NRAP: variants seen among roughly 807,000 people sequenced by gnomAD.
The protein encoded by NRAP is nebulin-related-anchoring protein.
In NRAP, 189 loss-of-function variants were observed where a neutral mutation model predicts 225.9. That is an observed-to-expected ratio of 0.84 (90% confidence interval 0.74 to 0.94). The LOEUF (loss-of-function observed/expected upper bound fraction) is 0.94. NRAP is among the 40% of genes least tolerant of loss of function. The pLI is 0.00. For synonymous variants in NRAP, 769 were observed against 790.7 expected, an observed-to-expected ratio of 0.97 and a Z score of 0.46; for missense variants, 2,176 against 2,168.7, an observed-to-expected ratio of 1.00 and a Z score of -0.07.
At chr10:113,633,978 G>C (rs1453309230) in intron 15 of NRAP, 134 bp downstream of exon 15, 2 of 672,664 alleles carry the variant, frequency 3.0e-6, no homozygotes, top group Non-Finnish European at 5.3e-6. Context: ...AAAGAAGTGG[G>C]GGTCATTTTC....
intron 11 of NRAP, among the ~76,000 whole-genome samples, chr10:113,645,023 G>A (rs1253503694): frequency 2.0e-5 from 3 of 152,134 alleles, no homozygotes; most frequent in East Asian, 3.9e-4. Flanking sequence ...CAATAAAAAC[G>A]TCTTAAACGG....
chr10:113,635,337 C>T (rs1848809115), intron 14 of NRAP, among the ~76,000 whole-genome samples: 2 of 152,066 alleles, frequency 1.3e-5, no homozygotes, highest in Admixed American at 6.5e-5. Context: ...TGAGTGAAAG[C>T]CCCAGAAACC....
chr10:113,651,769 C>T, intron 7 of NRAP, 34 bp downstream of exon 7: 1 of 1,281,306 alleles, frequency 7.8e-7, no homozygotes, highest in Non-Finnish European at 1.1e-6. Flanking sequence ...CCCAAATGCC[C>T]ATCAGTGATG....
chr10:113,622,529 T>A (rs941127705), intron 23 of NRAP, among the ~76,000 whole-genome samples: 2 of 151,990 alleles, frequency 1.3e-5, no homozygotes, highest in African/African-American at 4.8e-5. Context: ...TGGGGGAGTA[T>A]GAGGGGCAAA....
rs888800428 is a variant in NRAP at position 113,617,570 on chromosome 10, G to C, written c.2875-17C>G. On this transcript the variant is annotated splice_polypyrimidine_tract_variant and intron_variant, in intron 25 of 41. Coordinates refer to ENST00000359988, the MANE Select transcript of NRAP (RefSeq NM_198060.4). ...GTACTTCTTCTGTTGAGCAGAAAAA[G>C]ATCAAAGCTGTGAATTTTGTGCTGC... 2 of 1,479,980 alleles carry C rather than the reference G, an allele frequency of 1.4e-6. No homozygotes were observed. The highest frequency in any genetic ancestry group is 1.7e-5 in the Admixed American group (1 of 59,848). 91.7% of individuals were successfully genotyped at this position (1,479,980 alleles called of 1,614,324 possible). A position where few individuals can be genotyped will look rare whatever the true frequency, so the allele number is the denominator to read the frequency against.
chr10:113,611,211 G>A (rs770231288), intron 30 of NRAP, among the ~76,000 whole-genome samples: 1 of 152,092 alleles, frequency 6.6e-6, no homozygotes, highest in South Asian at 2.1e-4. Context: ...ACGGGCCCCC[G>A]AGATGAGCGT....
intron 6 of NRAP, 36 bp downstream of exon 6, chr10:113,652,898 AG>A: frequency 7.1e-7 from 1 of 1,415,616 alleles, no homozygotes; most frequent in Admixed American, 1.8e-5. Context: ...GACAAAAATT[AG>A]CATAATCAAT....
intron 11 of NRAP, among the ~76,000 whole-genome samples, chr10:113,644,404 G>C (rs975232892): frequency 2.0e-5 from 3 of 152,198 alleles, no homozygotes; most frequent in African/African-American, 7.2e-5. Flanking sequence ...AAATATTTTA[G>C]GTTTGGCAGG....
Position 113,595,655 on chromosome 10 carries a change from G to C in NRAP, c.4504C>G (p.Arg1502Gly). 6.2e-7 allele frequency: 1 copy of C among 1,613,608 alleles called. No homozygotes were observed. The highest frequency in any genetic ancestry group is 8.5e-7 in the Non-Finnish European group (1 of 1,179,504). The change falls in exon 38 of 42, where the codon CGA (arginine) becomes GGA (glycine). Residue 1502 changes from arginine (R) to glycine (G), a missense_variant. Coordinates refer to ENST00000359988, the MANE Select transcript of NRAP (RefSeq NM_198060.4). ...TLIPDHPDFT[R>G]ARLNALHLSD... ...AGATGCAGCGCATTGAGGCGAGCTCGGGTGAAATCGGGATGGTCGGGGATC... is the reference window on the plus strand; with the variant it reads ...AGATGCAGCGCATTGAGGCGAGCTCCGGTGAAATCGGGATGGTCGGGGATC...
chr10:113,598,026 C>G lies in NRAP; in HGVS notation c.4275G>C (p.Leu1425=). The G allele has an allele frequency of 1.9e-6, 3 of 1,613,832 alleles. No homozygotes were observed. Among genetic ancestry groups the G allele is most frequent in the African/African-American group, 1.3e-5 (1 of 74,926 alleles). Residue 1425 remains leucine, a synonymous_variant, in exon 36 of 42, where the codon CTG becomes CTC. Transcript: ENST00000359988. Reference sequence around the variant, plus strand: ...TCTCCATCTGTGGGGATCTCAGCGCCAGCCATCCTATGCCCTTCATGCCGA... The same window carrying G: ...TCTCCATCTGTGGGGATCTCAGCGCGAGCCATCCTATGCCCTTCATGCCGA... ...DLIGMKGIGW[L]ALRSPQMESA... is the part of the protein sequence containing the mutation.
At chr10:113,610,653 T>A in intron 30 of NRAP, 90 bp from the exon 31 acceptor site, 1 of 734,438 alleles carries the variant, frequency 1.4e-6, no homozygotes, top group South Asian at 1.5e-5. Context: ...TGACACAGCA[T>A]CTGACAGCGT....
At chr10:113,609,961 A>T (rs952227613) in intron 31 of NRAP, among the ~76,000 whole-genome samples, 1 of 150,692 alleles carries the variant, frequency 6.6e-6, no homozygotes, top group Non-Finnish European at 1.5e-5. Flanking sequence ...TGGAGAATCC[A>T]GTAAGAAAAA....
intron 20 of NRAP, among the ~76,000 whole-genome samples, chr10:113,628,051 C>A (rs755061055): frequency 7.9e-5 from 12 of 152,220 alleles, no homozygotes; most frequent in Non-Finnish European, 1.5e-4. Flanking sequence ...AATAGTGACA[C>A]TTCCAAACGA....
chr10:113,590,935 C>G, intron 39 of NRAP, 46 bp from the exon 40 acceptor site: 1 of 1,556,102 alleles, frequency 6.4e-7, no homozygotes, highest in Non-Finnish European at 8.8e-7. Flanking sequence ...CCTACCTCCC[C>G]CAGGACCAGC....
intron 32 of NRAP, among the ~76,000 whole-genome samples, chr10:113,607,306 A>G: frequency 6.7e-6 from 1 of 149,150 alleles, no homozygotes; most frequent in Admixed American, 6.7e-5. Flanking sequence ...GGAGGCTGAG[A>G]CAGGAAAATT....
chr10:113,638,835 C>G (rs78107214), intron 14 of NRAP, among the ~76,000 whole-genome samples: 3,156 of 152,250 alleles, frequency 0.021, 125 homozygotes, highest in African/African-American at 0.072. Context: ...GAACCCACCT[C>G]TAAACTCAAT....
chr10:113,590,788 C>A lies in NRAP; in HGVS notation c.4746G>T (p.Arg1582Ser). ...TCTTGTACTCATTGTCACTCTGGAGCCTGCCAACGTTGAGGAAATGCTTCA... is the reference window on the plus strand; with the variant it reads ...TCTTGTACTCATTGTCACTCTGGAGACTGCCAACGTTGAGGAAATGCTTCA... The part of the protein sequence containing the change: ...PRMKHFLNVG[R>S]LQSDNEYKKD... The change falls in exon 40 of 42, where the codon AGG becomes AGT. Residue 1582 changes from arginine to serine, a missense_variant. Around this residue, in one of 3 missense-constraint regions of NRAP, gnomAD observed 445 missense variants for 426.1 expected, o/e 1.04. Transcript: ENST00000359988. 6.2e-7 allele frequency: 1 copy of A among 1,614,220 alleles called. No homozygotes were observed. The highest frequency in any genetic ancestry group is 2.2e-5 in the East Asian group (1 of 44,890).
rs770132751 is a variant in NRAP at position 113,645,857 on chromosome 10, G to A, written c.1078C>T (p.Gln360Ter). 6.2e-6 allele frequency: 10 copies of A among 1,608,620 alleles called. No homozygotes were observed. The highest frequency in any genetic ancestry group is 4.4e-5 in the South Asian group (4 of 90,670). The change falls in exon 11 of 42, where the codon CAG (glutamine) becomes TAG (stop). Residue 360 changes from glutamine to a stop codon, truncating the protein, a stop_gained. Coordinates refer to ENST00000359988, the MANE Select transcript of NRAP (RefSeq NM_198060.4). LOFTEE classifies it high-confidence loss of function. ...ACGAGTTTGTTTACGCTCTGAGCCT[G>A]TTTGAGAACCAAGTTGTCTTGAGCT... ...LPAQDNLVLK[Q>*]AQSVNKLVSE...
At position 113,597,990 on chromosome 10, in the gene NRAP, C is replaced by A. The variant is rs1013594209; in HGVS notation, c.4311G>T (p.Lys1437Asn). 6.2e-7 allele frequency: 1 copy of A among 1,613,140 alleles called. No individual in the cohort carries two copies. The highest frequency in any genetic ancestry group is 1.7e-5 in the Admixed American group (1 of 59,998). The change falls in exon 36 of 42, where the codon AAG becomes AAT. Residue 1437 changes from lysine to asparagine, a missense_variant. Transcript: ENST00000359988. ...LRSPQMESAK[K>N]AGELISETKY... ...GTACCTCGCTGATGAGTTCTCCAGC[C>A]TTCTTTGCACTCTCCATCTGTGGGG...
Sources: gnomAD v4.1 joint callset for allele counts (sites outside exome capture counted in the v4.1 genomes callset) on GRCh38, gnomAD v4.1.1 for gene constraint, gnomAD v4.1.1 regional missense constraint, MANE v1.5 for transcripts, NCBI Gene and HGNC (gene_info 2026-07-23, HGNC 2026-07-21) for gene names.